Variants in DNAH17 observed in about 807,000 individuals in gnomAD.
DNAH17 encodes the protein axonemal beta dynein heavy chain 17.
Under a neutral mutation model 485.6 loss-of-function variants are expected in DNAH17, and 376 were observed. The ratio of observed to expected loss-of-function variants is 0.77; its 90% CI spans 0.71 to 0.84. DNAH17 has a LOEUF of 0.84. Among genes scored for constraint, DNAH17 ranks in the 40% least tolerant of loss-of-function variants. The pLI is 0.00. For synonymous variants in DNAH17, 3,031 were observed against 2,405.9 expected (o/e 1.26, Z -7.60); for missense variants, 6,370 against 5,839.3 (o/e 1.09, Z -2.96).
Position 78,571,380 on chromosome 17 carries a change from T to C in DNAH17, c.733-2A>G. On this transcript the variant is annotated splice_acceptor_variant, in intron 4 of 80. Transcript: ENST00000389840. LOFTEE classifies it high-confidence loss of function. ...CTTGTTCACTTTGGGTCTGTTTAGC[T>C]GAGAAGGGGAGTGAAGATCCACCTT... is the stretch of plus-strand genomic sequence containing the variant. The C allele has an allele frequency of 6.2e-7, 1 of 1,611,092 alleles. No homozygotes were observed. Among genetic ancestry groups the C allele is most frequent in the Non-Finnish European group, 8.5e-7 (1 of 1,177,416 alleles).
At chr17:78,464,845 A>C (rs1270424790) in intron 56 of DNAH17, among the ~76,000 whole-genome samples, 1 of 152,240 alleles carries the variant, frequency 6.6e-6, no homozygotes, top group Non-Finnish European at 1.5e-5. Flanking sequence ...GAAACAAAAA[A>C]ACCCAACAGC....
intron 52 of DNAH17, among the ~76,000 whole-genome samples, chr17:78,476,184 C>G (rs148124375): frequency 1.3e-5 from 2 of 152,318 alleles, no homozygotes; most frequent in East Asian, 3.9e-4. Context: ...CTACTGAGCA[C>G]TCAATTCCTC....
Position 78,566,558 on chromosome 17 carries a change from A to G in DNAH17, c.1569+56T>C, listed in dbSNP as rs144119898. 1,496 of 1,278,130 alleles carry G rather than the reference A, an allele frequency of 1.2e-3. 21 individuals are homozygous for G. The African/African-American group carries it at 0.019, about 16-fold the overall frequency. 79.2% of individuals were successfully genotyped at this position (1,278,130 alleles called of 1,614,324 possible). A position where few individuals can be genotyped will look rare whatever the true frequency, so the allele number is the denominator to read the frequency against. On this transcript the variant is annotated intron_variant, in intron 11 of 80. Coordinates refer to ENST00000389840, the MANE Select transcript of DNAH17 (RefSeq NM_173628.4). ...GTCTCCAAGATCGTTCTCGACATGA[A>G]TCCACCACCACAGTGCCAGGCTCCA...
chr17:78,470,069 C>CTTT (rs34298026), intron 54 of DNAH17, among the ~76,000 whole-genome samples: 3,242 of 93,008 alleles, frequency 0.035, 199 homozygotes, highest in African/African-American at 0.089. Context: ...ATGTCTTACT[C>CTTT]TTTTTTTTTT....
At chr17:78,449,886 G>A (rs1598467531) in intron 68 of DNAH17, 2 of 430,112 alleles carry the variant, frequency 4.6e-6, no homozygotes, top group Admixed American at 3.6e-5. Flanking sequence ...ATGTTGGTCA[G>A]GCTGGTCTTG....
intron 44 of DNAH17, among the ~76,000 whole-genome samples, chr17:78,489,091 G>A (rs948968673): frequency 2.0e-5 from 3 of 152,030 alleles, no homozygotes; most frequent in Admixed American, 6.6e-5. Flanking sequence ...TGGAGAAGCC[G>A]GCACAGAGGC....
chr17:78,544,821 A>AAAAG, intron 16 of DNAH17, among the ~76,000 whole-genome samples: 1 of 148,136 alleles, frequency 6.8e-6, no homozygotes, highest in East Asian at 2.1e-4. Context: ...AAAAAAAAAA[A>AAAAG]AAAGGTGGGG....
At chr17:78,467,143 C>G (rs1036496139) in intron 55 of DNAH17, among the ~76,000 whole-genome samples, 1 of 152,234 alleles carries the variant, frequency 6.6e-6, no homozygotes, top group Non-Finnish European at 1.5e-5. Context: ...GCCGGGCTCC[C>G]AAGCCCTTCG....
chr17:78,472,417 C>T (rs935458670), intron 54 of DNAH17, among the ~76,000 whole-genome samples: 4 of 152,008 alleles, frequency 2.6e-5, no homozygotes, highest in Admixed American at 2.6e-4. Flanking sequence ...TGAGGCCAAG[C>T]CCCCACCCCA....
At chr17:78,525,332 C>T (rs571415054) in intron 24 of DNAH17, among the ~76,000 whole-genome samples, 171 bp from the exon 25 acceptor site, 1 of 152,324 alleles carries the variant, frequency 6.6e-6, no homozygotes, top group South Asian at 2.1e-4. Flanking sequence ...CCTCCATCCC[C>T]CAAGGCCTCC....
At chr17:78,551,711 C>G in intron 15 of DNAH17, 73 bp from the exon 16 acceptor site, 1 of 1,479,196 alleles carries the variant, frequency 6.8e-7, no homozygotes, top group Non-Finnish European at 9.4e-7. Flanking sequence ...AGCTTGTAAT[C>G]TCAGCCCTTT....
intron 80 of DNAH17, 83 bp from the exon 81 acceptor site, chr17:78,424,236 TC>T: frequency 4.0e-6 from 6 of 1,486,134 alleles, no homozygotes; most frequent in Non-Finnish European, 5.4e-6. Flanking sequence ...GTCCTCACAC[TC>T]CCCGCCCTCT....
At chr17:78,532,451 A>C in intron 20 of DNAH17, 31 bp downstream of exon 20, 1 of 1,582,730 alleles carries the variant, frequency 6.3e-7, no homozygotes, top group Non-Finnish European at 8.6e-7. Context: ...CTCTGGAGAC[A>C]AGGAGGCTGG....
Position 78,529,541 on chromosome 17 carries a change from CA to C in DNAH17, c.3437del (p.Leu1146ArgfsTer21), listed in dbSNP as rs2091172532. ...TCTTGAGCAGCTCGATGGTTTGCTT[CA>C]GGGGCTCAAACATGTTGTCGGTGGC... Reference protein sequence around the residue: ...QAATDNMFEPLKQTIELLKTY... With the variant: ...QAATDNMFEPXKQTIELLKTY... On this transcript the variant is annotated frameshift_variant, in exon 22 of 81. Coordinates refer to ENST00000389840, the MANE Select transcript of DNAH17 (RefSeq NM_173628.4). LOFTEE classifies it high-confidence loss of function. 6.2e-7 allele frequency: 1 copy of C among 1,614,010 alleles called. No homozygotes were observed. The highest frequency in any genetic ancestry group is 8.5e-7 in the Non-Finnish European group (1 of 1,179,894).
At chr17:78,520,314 C>A (rs2090903180) in intron 25 of DNAH17, among the ~76,000 whole-genome samples, 1 of 152,108 alleles carries the variant, frequency 6.6e-6, no homozygotes, top group Admixed American at 6.5e-5. Context: ...GGGAACAATG[C>A]AAGGATGTGT....
At chr17:78,497,663 C>CA (rs959108184) in intron 37 of DNAH17, among the ~76,000 whole-genome samples, 18 of 152,340 alleles carry the variant, frequency 1.2e-4, no homozygotes, top group African/African-American at 1.7e-4. Context: ...ATGGGGCCTC[C>CA]AGCCCTGGGG....
intron 21 of DNAH17, 109 bp downstream of exon 21, chr17:78,530,234 T>C: frequency 1.5e-6 from 2 of 1,335,488 alleles, no homozygotes; most frequent in Non-Finnish European, 2.0e-6. Flanking sequence ...CTCCACCCCC[T>C]GCTACCCCAG....
chr17:78,484,749 C>A, intron 48 of DNAH17, 119 bp downstream of exon 48: 1 of 467,224 alleles, frequency 2.1e-6, no homozygotes, highest in South Asian at 3.8e-5. Context: ...ACCCCCCCCA[C>A]CGCCCCACAC....
Position 78,426,968 on chromosome 17 carries a change from G to T in DNAH17, c.12729C>A (p.Asn4243Lys). ...QECERMNILT[N>K]EMRRSLKELN... Reference sequence around the variant, plus strand: ...GCTCCTTGAGCGAACGGCGCATTTCGTTGGTCAGGATGTTCATTCTTTCAC... The same window carrying T: ...GCTCCTTGAGCGAACGGCGCATTTCTTTGGTCAGGATGTTCATTCTTTCAC... The change falls in exon 78 of 81, where the codon AAC becomes AAA. Residue 4243 changes from asparagine (N) to lysine (K), a missense_variant. Asn to Lys is a moderately conservative substitution (Grantham distance 94, BLOSUM62 0). Coordinates refer to ENST00000389840, the MANE Select transcript of DNAH17 (RefSeq NM_173628.4). 1 of 1,610,776 alleles carries T rather than the reference G, an allele frequency of 6.2e-7. No individual in the cohort carries two copies. The highest frequency in any genetic ancestry group is 8.5e-7 in the Non-Finnish European group (1 of 1,178,540).
Sources: allele counts gnomAD v4.1 joint callset (sites outside exome capture counted in the v4.1 genomes callset), GRCh38; gene constraint gnomAD v4.1.1; transcripts MANE v1.5; gene names NCBI Gene and HGNC (gene_info 2026-07-23, HGNC 2026-07-21).